RNF220: variants seen among roughly 807,000 people sequenced by gnomAD.
RNF220 encodes the protein E3 ubiquitin-protein ligase RNF220.
A neutral mutation model predicts 67.1 loss-of-function variants in RNF220; 7 were observed. That is an observed-to-expected ratio of 0.10 (90% CI 0.06 to 0.20). The LOEUF (loss-of-function observed/expected upper bound fraction) is 0.20. Ranked by LOEUF, RNF220 falls within the 10% of genes least tolerant of loss-of-function variation. The pLI is 1.00. For synonymous variants in RNF220, 270 were observed against 283.2 expected (o/e 0.95, Z 0.47); for missense variants, 565 against 740.3 (o/e 0.76, Z 2.75).
At chr1:44,560,642 AC>A in intron 2 of RNF220, among the ~76,000 whole-genome samples, 1 of 152,296 alleles carries the variant, frequency 6.6e-6, no homozygotes, top group Non-Finnish European at 1.5e-5. Context: ...GCTCACTGCA[AC>A]CACAGCCTCC....
Position 44,589,389 on chromosome 1 carries a change from C to A in RNF220, c.626-24776C>A, listed in dbSNP as rs558529778. On this transcript the variant is annotated intron_variant, in intron 2 of 14. Coordinates refer to ENST00000361799, the MANE Select transcript of RNF220 (RefSeq NM_018150.4). The stretch of plus-strand genomic sequence containing the variant: ...CAGCACTTTGGGAGGCCGAGGTGGG[C>A]GGATCATGAGGTCAGGAGATCGAGA... 3.4e-4 allele frequency among the ~76,000 whole-genome samples: 51 copies of A among 152,126 alleles called. No individual in the cohort carries two copies. The South Asian group carries it at 5.2e-3, about 15-fold the overall frequency.
intron 1 of RNF220, among the ~76,000 whole-genome samples, chr1:44,406,674 G>A (rs1326409055): frequency 2.0e-5 from 3 of 152,140 alleles, no homozygotes; most frequent in Non-Finnish European, 4.4e-5. Flanking sequence ...GGAGCCTCCG[G>A]CCTCCCCCAC....
chr1:44,489,379 A>G (rs1490129377), intron 2 of RNF220, among the ~76,000 whole-genome samples: 1 of 152,268 alleles, frequency 6.6e-6, no homozygotes, highest in East Asian at 1.9e-4. Context: ...GATGGTAAAC[A>G]CTGTAAGAAC....
chr1:44,591,582 G>A (rs1666116871), intron 2 of RNF220, among the ~76,000 whole-genome samples: 1 of 152,232 alleles, frequency 6.6e-6, no homozygotes, highest in Non-Finnish European at 1.5e-5. Context: ...ATTAGGGTGT[G>A]GTTAGAGGCA....
At chr1:44,423,703 C>G in intron 2 of RNF220, 1 of 273,454 alleles carries the variant, frequency 3.7e-6, no homozygotes, top group South Asian at 1.4e-4. Flanking sequence ...TTTGCCCTAC[C>G]CGGAAACGTG....
At chr1:44,568,413 C>G (rs1020024971) in intron 2 of RNF220, among the ~76,000 whole-genome samples, 1 of 152,216 alleles carries the variant, frequency 6.6e-6, no homozygotes, top group Non-Finnish European at 1.5e-5. Context: ...CTTGAGCACC[C>G]TGAATTTATC....
chr1:44,524,706 C>G (rs570393816), intron 2 of RNF220, among the ~76,000 whole-genome samples: 29 of 152,302 alleles, frequency 1.9e-4, no homozygotes, highest in African/African-American at 7.0e-4. Context: ...CCTTTCTCCC[C>G]CTATTCAGGA....
chr1:44,585,149 C>G (rs929820762), intron 2 of RNF220, among the ~76,000 whole-genome samples: 1 of 152,202 alleles, frequency 6.6e-6, no homozygotes, highest in African/African-American at 2.4e-5. Flanking sequence ...TCCTGACTCC[C>G]CAGGCCCCGT....
intron 2 of RNF220, among the ~76,000 whole-genome samples, chr1:44,530,521 G>C (rs1660752962): frequency 9.7e-6 from 1 of 102,952 alleles, no homozygotes; most frequent in South Asian, 3.7e-4. Flanking sequence ...CTTTCATGGA[G>C]TCAAATCTGC....
intron 5 of RNF220, among the ~76,000 whole-genome samples, chr1:44,628,822 T>G (rs1002870926): frequency 1.3e-5 from 2 of 152,208 alleles, no homozygotes; most frequent in African/African-American, 4.8e-5. Context: ...TGCCCAAATA[T>G]CATCTCCTCC....
Position 44,555,681 on chromosome 1 carries a change from T to G in RNF220, c.626-58484T>G, listed in dbSNP as rs528490991. Among the ~76,000 whole-genome samples, 5 of 150,032 alleles carry G rather than the reference T, an allele frequency of 3.3e-5. No individual in the cohort carries two copies. In the South Asian group the frequency reaches 1.0e-3, roughly 31 times the overall value. On this transcript the variant is annotated intron_variant, in intron 2 of 14. Coordinates refer to ENST00000361799, the MANE Select transcript of RNF220 (RefSeq NM_018150.4). ...TAGTAGAGACAGGGTTTCACCGTGTTAGCCAGGATGGTCTCGATCTCCTGA... is the reference window on the plus strand; with the variant it reads ...TAGTAGAGACAGGGTTTCACCGTGTGAGCCAGGATGGTCTCGATCTCCTGA...
intron 3 of RNF220, among the ~76,000 whole-genome samples, chr1:44,618,939 T>C (rs1643674172): frequency 6.6e-6 from 1 of 151,794 alleles, no homozygotes; most frequent in Admixed American, 6.6e-5. Flanking sequence ...GGGAGAGTGA[T>C]GGTGGCAGAG....
chr1:44,459,716 C>T lies in RNF220; in HGVS notation c.625+46994C>T, dbSNP rs533756447. Among the ~76,000 whole-genome samples, 49 of 152,172 alleles carry T rather than the reference C, an allele frequency of 3.2e-4. 1 individual carries two copies. Among genetic ancestry groups the T allele is most frequent in the African/African-American group, 9.6e-4 (40 of 41,496 alleles). On this transcript the variant is annotated intron_variant, in intron 2 of 14. Transcript: ENST00000361799. ...ACCACTGTGTAAGGGGTAGGTGGAG[C>T]GGAACTGCCGATGAAAGAGGGAATA...
intron 2 of RNF220, among the ~76,000 whole-genome samples, chr1:44,415,636 A>G (rs1207944613): frequency 8.7e-5 from 13 of 149,152 alleles, no homozygotes; most frequent in Non-Finnish European, 1.9e-4. Flanking sequence ...TATTTTTTAA[A>G]TGTTTTAATT....
chr1:44,624,702 G>A lies in RNF220; in HGVS notation c.805-1595G>A, dbSNP rs1348823481. 3.9e-5 allele frequency among the ~76,000 whole-genome samples: 6 copies of A among 152,136 alleles called. No homozygotes were observed. The highest frequency in any genetic ancestry group is 5.9e-5 in the Non-Finnish European group (4 of 68,016). ...GAGGGAGGGAGGAGGAGGAGAGGGCGAGGGGGCCTTAGACAAGATTGATGG... is the reference window on the plus strand; with the variant it reads ...GAGGGAGGGAGGAGGAGGAGAGGGCAAGGGGGCCTTAGACAAGATTGATGG... On this transcript the variant is annotated intron_variant, in intron 4 of 14. Transcript: ENST00000361799. The surrounding 1 kb of genome is among the most constrained non-coding windows in gnomAD (Gnocchi z 4.2).
At chr1:44,598,152 C>G (rs574648491) in intron 2 of RNF220, among the ~76,000 whole-genome samples, 64 of 149,476 alleles carry the variant, frequency 4.3e-4, no homozygotes, top group Non-Finnish European at 8.3e-4. Context: ...TGTGGACTTT[C>G]CTGCCTGGTG....
At chr1:44,410,002 T>A (rs1314275229) in intron 1 of RNF220, among the ~76,000 whole-genome samples, 1 of 152,218 alleles carries the variant, frequency 6.6e-6, no homozygotes, top group African/African-American at 2.4e-5. Context: ...TTCAGTGTAA[T>A]GAAGTTTTCA....
At chr1:44,503,473 C>CATTA (rs763703632) in intron 2 of RNF220, among the ~76,000 whole-genome samples, 3 of 151,934 alleles carry the variant, frequency 2.0e-5, no homozygotes, top group Non-Finnish European at 2.9e-5. Context: ...TGTGTGCATA[C>CATTA]ATTAGTGTGC....
At chr1:44,611,111 G>C (rs1265898883) in intron 2 of RNF220, among the ~76,000 whole-genome samples, 1 of 152,214 alleles carries the variant, frequency 6.6e-6, no homozygotes, top group Non-Finnish European at 1.5e-5. Context: ...AACACAGCGG[G>C]GGAGGGGACA....
Sources: allele counts gnomAD v4.1 joint callset (sites outside exome capture counted in the v4.1 genomes callset), GRCh38; gene constraint gnomAD v4.1.1; non-coding constraint Gnocchi (gnomAD v3.1); transcripts MANE v1.5; gene names NCBI Gene and HGNC (gene_info 2026-07-23, HGNC 2026-07-21).